DCAF10: variants seen among roughly 807,000 people sequenced by gnomAD.
DCAF10 encodes the protein DDB1 and CUL4 associated factor 10.
DCAF10 carries 19 observed loss-of-function variants against 51.9 expected under a neutral mutation model. The ratio of observed to expected loss-of-function variants is 0.37; its 90% confidence interval spans 0.26 to 0.54. The LOEUF is 0.54. Ranked by LOEUF, DCAF10 falls within the 20% of genes least tolerant of loss-of-function variation. The pLI is 0.87. For synonymous variants in DCAF10, 291 were observed against 297.1 expected, an observed-to-expected ratio of 0.98 and a Z score of 0.21; for missense variants, 510 against 730.6, an observed-to-expected ratio of 0.70 and a Z score of 3.48.
chr9:37,846,136 C>CATT (rs1274688180), intron 3 of DCAF10, among the ~76,000 whole-genome samples: 1 of 152,004 alleles, frequency 6.6e-6, no homozygotes, highest in Non-Finnish European at 1.5e-5. Flanking sequence ...TTGAACCCTA[C>CATT]ATTATAGTAA....
In DCAF10 at chr9:37,829,221, C is replaced by G. The variant is rs1829939183; in HGVS notation, c.653+9820C>G. On this transcript the variant is annotated intron_variant, in intron 2 of 6. Coordinates refer to ENST00000377724, the MANE Select transcript of DCAF10 (RefSeq NM_024345.5). The surrounding 1 kb of genome is among the most constrained non-coding windows in gnomAD (Gnocchi z 4.2). Reference sequence around the variant, plus strand: ...AATTCCCGCACTTTTGGGTGGATCACCTGAGGTAGGGAGTTCGAGACCAGC... The same window carrying G: ...AATTCCCGCACTTTTGGGTGGATCAGCTGAGGTAGGGAGTTCGAGACCAGC... Among the ~76,000 whole-genome samples the G allele has an allele frequency of 6.6e-6, 1 of 152,198 alleles. No homozygotes were observed. The highest frequency in any genetic ancestry group is 1.9e-4 in the East Asian group (1 of 5,176).
intron 2 of DCAF10, chr9:37,836,026 G>C: frequency 9.7e-7 from 1 of 1,035,984 alleles, no homozygotes; most frequent in South Asian, 1.3e-5. Context: ...GGCCCCAAAC[G>C]CCGTCCGCGC....
upstream of DCAF10, chr9:37,800,657 C>A (rs993148231): frequency 3.9e-6 from 6 of 1,536,060 alleles, no homozygotes; most frequent in Non-Finnish European, 4.4e-6. Context: ...GGTAACTACT[C>A]GCTCCCTACC....
chr9:37,850,716 G>C (rs1192097926), intron 3 of DCAF10, among the ~76,000 whole-genome samples: 1 of 150,672 alleles, frequency 6.6e-6, no homozygotes, highest in African/African-American at 2.4e-5. Context: ...GGTACAACAT[G>C]ATGACCACTG....
chr9:37,840,795 A>C (rs948625007), intron 2 of DCAF10, among the ~76,000 whole-genome samples: 2 of 152,116 alleles, frequency 1.3e-5, no homozygotes, highest in Non-Finnish European at 2.9e-5. Flanking sequence ...AGCAACTCCC[A>C]CGCCTGCAAG....
rs71504547 is a variant in DCAF10 at position 37,853,856 on chromosome 9, A to C, written c.852-924A>C. Among the ~76,000 whole-genome samples, 400 of 152,222 alleles carry C rather than the reference A, an allele frequency of 2.6e-3. 3 individuals are homozygous for C. Among genetic ancestry groups the C allele is most frequent in the African/African-American group, 9.1e-3 (377 of 41,520 alleles). On this transcript the variant is annotated intron_variant, in intron 3 of 6. Coordinates refer to ENST00000377724, the MANE Select transcript of DCAF10 (RefSeq NM_024345.5). ...AGTGTTGGGATTACAGGTGTGAGCC[A>C]CCACCCCTAGCCTACTGATCATTCT...
chr9:37,817,258 C>G (rs1015550576), intron 1 of DCAF10, among the ~76,000 whole-genome samples: 4 of 152,126 alleles, frequency 2.6e-5, no homozygotes, highest in Admixed American at 2.6e-4. Context: ...TCAAACAAAG[C>G]AATAACTAAC....
rs1831035824 is a variant in DCAF10 at position 37,862,079 on chromosome 9, T to C, written c.*571T>C. On this transcript the variant is annotated 3_prime_UTR_variant, in exon 7 of 7. Transcript: ENST00000377724. ...ACAGATAATGGCATTATTCTTATAA[T>C]TGTTAAGATAGTCTTGCAACAAAAT... 6.6e-6 allele frequency: 1 copy of C among 152,566 alleles called. No individual in the cohort carries two copies. Among genetic ancestry groups the C allele is most frequent in the African/African-American group, 2.4e-5 (1 of 41,462 alleles). 9.5% of individuals were successfully genotyped at this position (152,566 alleles called of 1,614,324 possible).
At chr9:37,843,316 A>G (rs536844406) in intron 3 of DCAF10, among the ~76,000 whole-genome samples, 21 of 152,316 alleles carry the variant, frequency 1.4e-4, no homozygotes, top group Non-Finnish European at 2.4e-4. Flanking sequence ...GTGTGTGGCC[A>G]TCATTTTCGA....
At position 37,844,766 on chromosome 9, in the gene DCAF10, G is replaced by A. The variant is rs189166633; in HGVS notation, c.851+2480G>A. Among the ~76,000 whole-genome samples, 12 of 152,296 alleles carry A rather than the reference G, an allele frequency of 7.9e-5. 3 individuals carry two copies. Among genetic ancestry groups the A allele is most frequent in the African/African-American group, 2.9e-4 (12 of 41,576 alleles). Reference sequence around the variant, plus strand: ...CAGGAGAATCGCTTGAACCTGGGAGGCAGAGGTGGCAGTGGGCCAGCCTGG... The same window carrying A: ...CAGGAGAATCGCTTGAACCTGGGAGACAGAGGTGGCAGTGGGCCAGCCTGG... On this transcript the variant is annotated intron_variant, in intron 3 of 6. Coordinates refer to ENST00000377724, the MANE Select transcript of DCAF10 (RefSeq NM_024345.5).
At chr9:37,839,962 T>G (rs943841061) in intron 2 of DCAF10, among the ~76,000 whole-genome samples, 3 of 152,204 alleles carry the variant, frequency 2.0e-5, no homozygotes, top group African/African-American at 7.2e-5. Context: ...GTTCCTTCTG[T>G]CTTCAGGGAG....
intron 1 of DCAF10, among the ~76,000 whole-genome samples, chr9:37,803,793 C>G (rs1324578223): frequency 6.6e-6 from 1 of 150,640 alleles, no homozygotes; most frequent in East Asian, 1.9e-4. Flanking sequence ...GGTAGCATAA[C>G]CACTGTCACC....
intron 3 of DCAF10, among the ~76,000 whole-genome samples, chr9:37,847,167 C>A (rs1477790275): frequency 1.4e-5 from 2 of 143,452 alleles, no homozygotes; most frequent in African/African-American, 5.2e-5. Context: ...GCAGGAGAAT[C>A]ATGTGAACCC....
intron 2 of DCAF10, among the ~76,000 whole-genome samples, chr9:37,827,401 GA>G (rs1011119113): frequency 5.9e-5 from 9 of 152,146 alleles, no homozygotes; most frequent in African/African-American, 1.9e-4. Context: ...AAAACAAAAA[GA>G]AAAGGTGCAA....
At chr9:37,854,515 C>T (rs1830787929) in intron 3 of DCAF10, among the ~76,000 whole-genome samples, 1 of 152,136 alleles carries the variant, frequency 6.6e-6, no homozygotes, top group Non-Finnish European at 1.5e-5. Context: ...TTAGCATGCA[C>T]TTATCATTCC....
At chr9:37,851,462 G>GAGCC (rs1224051669) in intron 3 of DCAF10, among the ~76,000 whole-genome samples, 1 of 150,328 alleles carries the variant, frequency 6.7e-6, no homozygotes, top group African/African-American at 2.4e-5. Context: ...TTACAGGCAT[G>GAGCC]AGCCACTGCA....
rs1831146644 is a variant in DCAF10 at position 37,866,850 on chromosome 9, T to C, written c.*5342T>C. 6.6e-6 allele frequency: 1 copy of C among 152,606 alleles called. No homozygotes were observed. The highest frequency in any genetic ancestry group is 2.4e-5 in the African/African-American group (1 of 41,462). The allele number at this position is 152,606 out of a possible 1,614,324, so 9.5% of individuals were successfully genotyped here. A position where few individuals can be genotyped will look rare whatever the true frequency, so the allele number is the denominator to read the frequency against. The stretch of plus-strand genomic sequence containing the variant: ...TACAGCAAAGCAACAACAAAGGCTC[T>C]GTATTTGCAGAGGGGTCTATCATGC... On this transcript the variant is annotated 3_prime_UTR_variant, in exon 7 of 7. Transcript: ENST00000377724.
At chr9:37,806,799 C>G (rs1829127994) in intron 1 of DCAF10, among the ~76,000 whole-genome samples, 1 of 152,102 alleles carries the variant, frequency 6.6e-6, no homozygotes, top group Non-Finnish European at 1.5e-5. Flanking sequence ...GAATACCTGC[C>G]TACAGTAGGC....
At chr9:37,816,603 C>G (rs1829541398) in intron 1 of DCAF10, among the ~76,000 whole-genome samples, 1 of 151,468 alleles carries the variant, frequency 6.6e-6, no homozygotes, top group South Asian at 2.1e-4. Context: ...AAAAAAACAA[C>G]ACAACCTTTT....
Sources: gnomAD v4.1 joint callset for allele counts (sites outside exome capture counted in the v4.1 genomes callset) on GRCh38, gnomAD v4.1.1 for gene constraint, Gnocchi (gnomAD v3.1) non-coding constraint, MANE v1.5 for transcripts, NCBI Gene and HGNC (gene_info 2026-07-23, HGNC 2026-07-21) for gene names.